ACSM3: variants seen among roughly 807,000 people sequenced by gnomAD.
ACSM3 encodes the protein acyl-coenzyme A synthetase ACSM3, mitochondrial.
In ACSM3, 61 loss-of-function variants were observed where a neutral mutation model predicts 74.1. The observed-to-expected ratio is 0.82, with a 90% CI of 0.67 to 1.02. ACSM3 has a LOEUF of 1.02. Ranked by LOEUF, ACSM3 falls within the 50% of genes least tolerant of loss-of-function variation. ACSM3 has a pLI of 0.00. For missense variants in ACSM3, 660 were observed against 697.0 expected (o/e 0.95, Z 0.60); for synonymous variants, 213 against 241.5 (o/e 0.88, Z 1.09).
chr16:20,679,045 C>A (rs1310928801), intron 1 of ACSM3: 1 of 152,226 alleles, frequency 6.6e-6, no homozygotes, highest in East Asian at 1.9e-4. Flanking sequence ...ACCCAGTACA[C>A]CCTTTCAAAC....
intron 1 of ACSM3, among the ~76,000 whole-genome samples, chr16:20,696,249 A>ATGTCTCTATCTCTATCACTATCCC (rs1316297034): frequency 8.5e-5 from 13 of 152,280 alleles, no homozygotes; most frequent in South Asian, 6.2e-4. Context: ...TAAGTGATGC[A>ATGTCTCTATCTCTATCACTATCCC]TGTCTCTATC....
At chr16:20,795,119 GAC>G (rs1009644010) in intron 12 of ACSM3, among the ~76,000 whole-genome samples, 3 of 151,954 alleles carry the variant, frequency 2.0e-5, no homozygotes, top group African/African-American at 7.2e-5. Flanking sequence ...TATATCCATA[GAC>G]ACACACACAC....
At chr16:20,691,751 A>ACGTG (rs1453597498) in intron 1 of ACSM3, among the ~76,000 whole-genome samples, 18 of 134,106 alleles carry the variant, frequency 1.3e-4, no homozygotes, top group Non-Finnish European at 1.9e-4. Context: ...TACCTCTCCA[A>ACGTG]TGTGTGTGTG....
chr16:20,741,911 G>C, intron 1 of ACSM3: 4 of 1,534,424 alleles, frequency 2.6e-6, no homozygotes, highest in Non-Finnish European at 3.5e-6. Flanking sequence ...AATCGTGAAA[G>C]GGGTGGAGTG....
chr16:20,685,825 A>C (rs2079539792), intron 1 of ACSM3, among the ~76,000 whole-genome samples: 1 of 119,026 alleles, frequency 8.4e-6, no homozygotes, highest in Admixed American at 8.0e-5. Context: ...GTCTCAAAAA[A>C]AAAAAACAAA....
intron 12 of ACSM3, among the ~76,000 whole-genome samples, chr16:20,794,905 G>A (rs2152491563): frequency 6.6e-6 from 1 of 152,286 alleles, no homozygotes; most frequent in Non-Finnish European, 1.5e-5. Context: ...ATTTTCTGCA[G>A]TAGTTTAAAA....
chr16:20,748,661 C>A (rs2079968760), intron 1 of ACSM3, among the ~76,000 whole-genome samples: 1 of 152,142 alleles, frequency 6.6e-6, no homozygotes, highest in Admixed American at 6.5e-5. Flanking sequence ...GAGACTCAGG[C>A]TTTTTGTGTT....
At chr16:20,736,559 A>G (rs1370661200) in intron 1 of ACSM3, 2 of 246,460 alleles carry the variant, frequency 8.1e-6, no homozygotes, top group Middle Eastern at 1.4e-3. Context: ...CTTCCCTCTG[A>G]TTTTCTACTT....
chr16:20,760,156 C>T (rs2080065542), upstream of ACSM3, among the ~76,000 whole-genome samples: 1 of 152,136 alleles, frequency 6.6e-6, no homozygotes, highest in Admixed American at 6.5e-5. Flanking sequence ...GACTCTAGTA[C>T]AGCATCATAT....
intron 2 of ACSM3, among the ~76,000 whole-genome samples, chr16:20,772,131 A>G (rs1177407973): frequency 6.6e-6 from 1 of 152,022 alleles, no homozygotes; most frequent in East Asian, 1.9e-4. Flanking sequence ...CATTCCCTGT[A>G]TATTCTGGAT....
rs1299990616 is a variant in ACSM3 at position 20,764,031 on chromosome 16, G to C, written c.-146G>C. ...TCCTCCCTCTTCTTTAGACTGCCAC[G>C]AGGAAAAAGCAGATGTGAGAACTCA... On this transcript the variant is annotated 5_prime_UTR_variant, in exon 1 of 14. Transcript: ENST00000289416. 1 of 152,168 alleles carries C rather than the reference G, an allele frequency of 6.6e-6. No individual in the cohort carries two copies. Among genetic ancestry groups the C allele is most frequent in the Non-Finnish European group, 1.5e-5 (1 of 68,044 alleles). The allele number at this position is 152,168 out of a possible 1,614,324, so 9.4% of individuals were successfully genotyped here.
At chr16:20,744,484 A>C (rs1322003710) in intron 1 of ACSM3, among the ~76,000 whole-genome samples, 1 of 152,188 alleles carries the variant, frequency 6.6e-6, no homozygotes, top group African/African-American at 2.4e-5. Context: ...TACTGGGTTC[A>C]AGCGATTCTC....
chr16:20,710,761 A>C (rs2079741448), intron 1 of ACSM3, among the ~76,000 whole-genome samples: 1 of 152,154 alleles, frequency 6.6e-6, no homozygotes, highest in Non-Finnish European at 1.5e-5. Flanking sequence ...AATGTGTTAT[A>C]AGCTGTAAAG....
intron 8 of ACSM3, 82 bp downstream of exon 8, chr16:20,785,189 G>A: frequency 1.3e-6 from 2 of 1,533,476 alleles, no homozygotes; most frequent in Admixed American, 3.8e-5. Flanking sequence ...GTCTCCTTAT[G>A]ATTATTTGAG....
chr16:20,731,671 G>C, intron 1 of ACSM3: 1 of 401,742 alleles, frequency 2.5e-6, no homozygotes, highest in Non-Finnish European at 4.5e-6. Flanking sequence ...CTACAGCCTA[G>C]AGAAATTAAC....
chr16:20,787,908 C>G (rs921407480), intron 9 of ACSM3, among the ~76,000 whole-genome samples: 41 of 152,152 alleles, frequency 2.7e-4, no homozygotes, highest in African/African-American at 8.9e-4. Context: ...GAACCACCCC[C>G]CGACAACCCC....
chr16:20,705,653 C>G (rs1302516469), intron 1 of ACSM3, among the ~76,000 whole-genome samples: 1 of 152,040 alleles, frequency 6.6e-6, no homozygotes, highest in African/African-American at 2.4e-5. Context: ...AATCCAGAGT[C>G]TCTACAGTAT....
At position 20,705,796 on chromosome 16, in the gene ACSM3, A is replaced by G. The variant is rs576592418; in HGVS notation, c.-190+30974A>G. Among the ~76,000 whole-genome samples the G allele has an allele frequency of 6.6e-5, 10 of 152,360 alleles. 1 individual carries two copies. The South Asian group carries it at 2.1e-3, about 32-fold the overall frequency. ...ACTCAGATGTTGGAATTAGTAGAGA[A>G]GGATTTCAATAACAGTGCTACAGCT... On this transcript the variant is annotated intron_variant, in intron 1 of 3. Transcript: ENST00000561584.
rs759644780 is a variant in ACSM3, at chr16:20,780,801, G to A, written c.726G>A (p.Pro242=). 2.2e-5 allele frequency: 36 copies of A among 1,614,082 alleles called. No homozygotes were observed. Among genetic ancestry groups the A allele is most frequent in the Middle Eastern group, 1.6e-4 (1 of 6,084 alleles). ...TTACCAGTGGAACAAGTGGATATCC[G>A]AAAATGACTGCACACACCCACAGCA... The part of the protein sequence containing the change: ...IFFTSGTSGY[P]KMTAHTHSSF... The change falls in exon 5 of 14, where the codon CCG becomes CCA. Residue 242 remains proline (P), a synonymous_variant. Coordinates refer to ENST00000289416, the MANE Select transcript of ACSM3 (RefSeq NM_005622.4).
Sources: allele counts gnomAD v4.1 joint callset (sites outside exome capture counted in the v4.1 genomes callset), GRCh38; gene constraint gnomAD v4.1.1; transcripts MANE v1.5; gene names NCBI Gene and HGNC (gene_info 2026-07-23, HGNC 2026-07-21).